Variants in TC2N observed in about 807,000 individuals in gnomAD.
TC2N encodes the protein tandem C2 domains nuclear protein.
A neutral mutation model predicts 61.9 loss-of-function variants in TC2N; 51 were observed. That is an observed-to-expected ratio of 0.82 (90% CI 0.66 to 1.04). The LOEUF is 1.04. Among genes scored for constraint, TC2N ranks in the 50% least tolerant of loss-of-function variants. TC2N has a pLI of 0.00. For synonymous variants in TC2N, 204 were observed against 192.6 expected (o/e 1.06, Z -0.49); for missense variants, 556 against 566.7 (o/e 0.98, Z 0.19).
rs766550828 is a variant in TC2N at position 91,783,204 on chromosome 14, T to A, written c.1369A>T (p.Ile457Leu). 1 of 1,579,554 alleles carries A rather than the reference T, an allele frequency of 6.3e-7. No homozygotes were observed. The highest frequency in any genetic ancestry group is 1.7e-5 in the Admixed American group (1 of 59,382). The change falls in exon 12 of 12, where the codon ATA (isoleucine) becomes TTA (leucine). Residue 457 changes from isoleucine (I) to leucine (L), a missense_variant. By Grantham distance (5) the Ile-to-Leu change is conservative. Transcript: ENST00000435962. ...TCAATGTTATTACTGTCTTCACTTA[T>A]CCAAATCTGTAAAGGAAAGTATGTA... ...RRKHFVGQIW[I>L]SEDSNNIEAV...
intron 1 of TC2N, among the ~76,000 whole-genome samples, chr14:91,819,333 AAATT>A (rs1361994239): frequency 1.3e-5 from 2 of 152,120 alleles, no homozygotes; most frequent in East Asian, 1.9e-4. Context: ...CTGTCTCAAA[AAATT>A]AATTAATTAA....
rs1014478056 is a variant in TC2N, at chr14:91,837,252, G to A, written c.-56-23427C>T. On this transcript the variant is annotated intron_variant, in intron 1 of 11. Coordinates refer to ENST00000435962, the MANE Select transcript of TC2N (RefSeq NM_001128596.3). The surrounding 1 kb of genome is among the most constrained non-coding windows in gnomAD (Gnocchi z 4.2). ...TTTGTTTTGTTTTGACAGAGGTTCT[G>A]TCGCCCAGGCTGGAGTGTAGCGGTG... Among the ~76,000 whole-genome samples the A allele has an allele frequency of 1.3e-5, 2 of 152,210 alleles. No homozygotes were observed. The highest frequency in any genetic ancestry group is 2.9e-5 in the Non-Finnish European group (2 of 68,048).
chr14:91,834,677 A>G (rs1459403250), intron 1 of TC2N, among the ~76,000 whole-genome samples: 1 of 152,184 alleles, frequency 6.6e-6, no homozygotes, highest in Non-Finnish European at 1.5e-5. Context: ...TTCCAAAGAC[A>G]ATAGGCACGT....
At chr14:91,847,723 C>G (rs528502665) in intron 1 of TC2N, among the ~76,000 whole-genome samples, 1 of 152,212 alleles carries the variant, frequency 6.6e-6, no homozygotes, top group African/African-American at 2.4e-5. Flanking sequence ...GCCCTGCCCA[C>G]ATTGCAGATT....
chr14:91,802,452 C>T, intron 3 of TC2N, 31 bp from the exon 4 acceptor site: 4 of 1,602,064 alleles, frequency 2.5e-6, no homozygotes, highest in Non-Finnish European at 3.4e-6. Context: ...AAGTTTATAA[C>T]ATCCTTTTCT....
At chr14:91,853,504 C>A (rs1888416307) in intron 1 of TC2N, among the ~76,000 whole-genome samples, 1 of 152,092 alleles carries the variant, frequency 6.6e-6, no homozygotes, top group African/African-American at 2.4e-5. Flanking sequence ...TAAGTGATTA[C>A]AAACTAGATA....
chr14:91,852,935 G>A (rs138547486), intron 1 of TC2N, among the ~76,000 whole-genome samples: 2,892 of 152,182 alleles, frequency 0.019, 100 homozygotes, highest in African/African-American at 0.066. Context: ...GCCAGGCGTG[G>A]TGGTGGGTGC....
intron 1 of TC2N, among the ~76,000 whole-genome samples, chr14:91,862,527 A>G (rs532413284): frequency 1.3e-5 from 2 of 152,258 alleles, no homozygotes; most frequent in East Asian, 3.9e-4. Flanking sequence ...GCTGAGGGAA[A>G]TCTGGTGAAA....
intron 2 of TC2N, among the ~76,000 whole-genome samples, chr14:91,812,928 C>T (rs1414212800): frequency 6.6e-6 from 1 of 151,774 alleles, no homozygotes; most frequent in African/African-American, 2.4e-5. Context: ...CTACCCCAGT[C>T]GTAGCTTCTA....
rs1260914189 is a variant in TC2N at position 91,781,597 on chromosome 14, G to A, written c.*1503C>T. 5.3e-5 allele frequency: 8 copies of A among 151,840 alleles called. No individual in the cohort carries two copies. The highest frequency in any genetic ancestry group is 9.7e-5 in the African/African-American group (4 of 41,374). The allele number at this position is 151,840 out of a possible 1,614,324, so 9.4% of individuals were successfully genotyped here. On this transcript the variant is annotated 3_prime_UTR_variant, in exon 12 of 12. Coordinates refer to ENST00000435962, the MANE Select transcript of TC2N (RefSeq NM_001128596.3). ...AAAACAATTTTTAAAAGTTGTATTC[G>A]TCTCAGATTCAAAATATTATCACAC... is the stretch of plus-strand genomic sequence containing the variant.
chr14:91,836,585 C>T (rs1888023640), intron 1 of TC2N: 1 of 146,822 alleles, frequency 6.8e-6, no homozygotes, highest in Non-Finnish European at 1.5e-5. Flanking sequence ...CGAGGCGAGG[C>T]AAGGCGGGGA....
Position 91,837,061 on chromosome 14 carries a change from T to TATC in TC2N, c.-56-23239_-56-23237dup, listed in dbSNP as rs1043300592. ...GGTGTCTTGGAAAGAATATTAAATG[T>TATC]ATCCACCACAGCACCTCACACCCCC... On this transcript the variant is annotated intron_variant, in intron 1 of 11. Transcript: ENST00000435962. The surrounding 1 kb of genome is among the most constrained non-coding windows in gnomAD (Gnocchi z 4.2). Among the ~76,000 whole-genome samples the TATC allele has an allele frequency of 3.3e-5, 5 of 152,212 alleles. No individual in the cohort carries two copies. Among genetic ancestry groups the TATC allele is most frequent in the African/African-American group, 1.2e-4 (5 of 41,450 alleles).
Position 91,801,984 on chromosome 14 carries a change from T to G in TC2N, c.469+270A>C, listed in dbSNP as rs577747256. Among the ~76,000 whole-genome samples the G allele has an allele frequency of 2.0e-5, 3 of 152,290 alleles. No individual in the cohort carries two copies. In the South Asian group the frequency reaches 6.2e-4, roughly 32 times the overall value. The stretch of plus-strand genomic sequence containing the variant: ...AATTAACTATAGTCTCCATGTTGTA[T>G]AAAAGATCTCTTGAACCAAAGCTTC... On this transcript the variant is annotated intron_variant, in intron 4 of 11. Coordinates refer to ENST00000435962, the MANE Select transcript of TC2N (RefSeq NM_001128596.3).
chr14:91,787,220 T>C (rs534183166), intron 10 of TC2N, among the ~76,000 whole-genome samples: 4 of 152,196 alleles, frequency 2.6e-5, no homozygotes, highest in African/African-American at 9.6e-5. Flanking sequence ...TCATTTCAGG[T>C]GGTAAAATAT....
At chr14:91,844,109 C>A (rs1031721903) in intron 1 of TC2N, among the ~76,000 whole-genome samples, 6 of 152,126 alleles carry the variant, frequency 3.9e-5, no homozygotes, top group African/African-American at 1.4e-4. Flanking sequence ...CATAAAGTGG[C>A]TTTTAAAGAG....
chr14:91,803,640 AT>A (rs922909717), intron 3 of TC2N, among the ~76,000 whole-genome samples: 116 of 151,988 alleles, frequency 7.6e-4, no homozygotes, highest in Middle Eastern at 3.4e-3. Flanking sequence ...TTTAGTAGAG[AT>A]GGGGTTTCAC....
In TC2N at chr14:91,813,729, A is replaced by T. The variant is rs1886879914; in HGVS notation, c.41T>A (p.Phe14Tyr). 6.2e-7 allele frequency: 1 copy of T among 1,609,432 alleles called. No homozygotes were observed. The highest frequency in any genetic ancestry group is 1.1e-5 in the South Asian group (1 of 90,672). ...EFIKSCCGGC[F>Y]YGETEKHNFS... ...GTTGTGTTTTTCTGTTTCACCATAG[A>T]AACATCCTCCACAGCAACTCTTTAT... Residue 14 changes from phenylalanine (F) to tyrosine (Y), a missense_variant, in exon 2 of 12, where the codon TTC becomes TAC. Phe to Tyr is a conservative substitution (Grantham distance 22, BLOSUM62 3). Coordinates refer to ENST00000435962, the MANE Select transcript of TC2N (RefSeq NM_001128596.3).
intron 9 of TC2N, among the ~76,000 whole-genome samples, chr14:91,788,570 A>C (rs914505872): frequency 6.6e-6 from 1 of 152,222 alleles, no homozygotes; most frequent in Non-Finnish European, 1.5e-5. Context: ...CTTGATGAAG[A>C]CATTTATATT....
Position 91,800,329 on chromosome 14 carries a change from T to G in TC2N, c.513A>C (p.Leu171=). 2 of 1,605,588 alleles carry G rather than the reference T, an allele frequency of 1.2e-6. No homozygotes were observed. Among genetic ancestry groups the G allele is most frequent in the Non-Finnish European group, 1.7e-6 (2 of 1,175,480 alleles). The change falls in exon 5 of 12, where the codon CTA becomes CTC. Residue 171 remains leucine (L), a synonymous_variant. Transcript: ENST00000435962. ...TTGTAAGATCAAACATAGATTTGCT[T>G]AGCCCAGGGGAACCGGGAAGTTTGT... The part of the protein sequence containing the change: ...RTNKLPGSPG[L]SKSMFDLTNS...
Sources: gnomAD v4.1 joint callset for allele counts (sites outside exome capture counted in the v4.1 genomes callset) on GRCh38, gnomAD v4.1.1 for gene constraint, Gnocchi (gnomAD v3.1) non-coding constraint, MANE v1.5 for transcripts, NCBI Gene and HGNC (gene_info 2026-07-23, HGNC 2026-07-21) for gene names.